The following FHIT variants were observed in gnomAD, a reference collection of about 807,000 sequenced individuals.
FHIT encodes the protein fragile histidine triad diadenosine triphosphatase.
Under a neutral mutation model 17.9 loss-of-function variants are expected in FHIT, and 19 were observed. The observed-to-expected ratio is 1.06, with a 90% CI of 0.74 to 1.56. The LOEUF (loss-of-function observed/expected upper bound fraction) is 1.56. Ranked by LOEUF, FHIT falls within the 40% of genes most tolerant of loss-of-function variation. The pLI is 0.00. For synonymous variants in FHIT, 81 were observed against 69.7 expected, an observed-to-expected ratio of 1.16 and a Z score of -0.81; for missense variants, 248 against 189.2, an observed-to-expected ratio of 1.31 and a Z score of -1.82.
intron 3 of FHIT, among the ~76,000 whole-genome samples, chr3:61,019,592 G>T (rs1487358302): frequency 6.6e-6 from 1 of 152,202 alleles, no homozygotes; most frequent in African/African-American, 2.4e-5. Flanking sequence ...GTAACTTGTA[G>T]ATTCTTTCAC....
At chr3:59,910,309 C>T (rs1289186702) in intron 8 of FHIT, among the ~76,000 whole-genome samples, 1 of 152,196 alleles carries the variant, frequency 6.6e-6, no homozygotes, top group East Asian at 1.9e-4. Flanking sequence ...TTCTGAGTTT[C>T]TGACTAGCCT....
At chr3:60,886,970 A>C (rs1553759410) in intron 3 of FHIT, among the ~76,000 whole-genome samples, 2 of 152,238 alleles carry the variant, frequency 1.3e-5, no homozygotes, top group Non-Finnish European at 2.9e-5. Flanking sequence ...AATTAGATCT[A>C]TAATCTCACA....
At chr3:60,627,903 G>C (rs1401252932) in intron 4 of FHIT, among the ~76,000 whole-genome samples, 3 of 151,996 alleles carry the variant, frequency 2.0e-5, no homozygotes, top group Admixed American at 2.0e-4. Context: ...AGTTTTCTCT[G>C]GTTTGTTCAT....
intron 3 of FHIT, among the ~76,000 whole-genome samples, chr3:60,862,041 A>G (rs1296500268): frequency 2.0e-5 from 3 of 152,150 alleles, no homozygotes; most frequent in Non-Finnish European, 4.4e-5. Flanking sequence ...AGGAATTTCA[A>G]TGTGTCTAAC....
At chr3:60,463,817 T>C (rs947287761) in intron 5 of FHIT, among the ~76,000 whole-genome samples, 1 of 152,220 alleles carries the variant, frequency 6.6e-6, no homozygotes, top group Non-Finnish European at 1.5e-5. Context: ...AATCACAATA[T>C]GTACCTTACC....
intron 4 of FHIT, among the ~76,000 whole-genome samples, chr3:60,590,288 G>T (rs1004008660): frequency 1.6e-4 from 24 of 152,024 alleles, no homozygotes; most frequent in African/African-American, 5.6e-4. Flanking sequence ...TCAGTGGTCT[G>T]CTTCATGGAT....
chr3:59,848,865 G>C (rs542833688), intron 8 of FHIT, among the ~76,000 whole-genome samples: 1 of 152,304 alleles, frequency 6.6e-6, no homozygotes, highest in African/African-American at 2.4e-5. Context: ...TCATTTCAGA[G>C]TCCCTGTCTC....
At chr3:60,655,477 T>G (rs1456476578) in intron 4 of FHIT, among the ~76,000 whole-genome samples, 2 of 152,162 alleles carry the variant, frequency 1.3e-5, no homozygotes, top group South Asian at 4.1e-4. Flanking sequence ...TGGATTTATT[T>G]ATAACGAGGA....
intron 2 of FHIT, among the ~76,000 whole-genome samples, chr3:61,113,459 G>C (rs2036216461): frequency 6.6e-6 from 1 of 152,126 alleles, no homozygotes; most frequent in African/African-American, 2.4e-5. Context: ...AAATAAAGTT[G>C]TGTCTATGGT....
chr3:59,762,137 A>T lies in FHIT; in HGVS notation c.349-9816T>A, dbSNP rs151122374. Among the ~76,000 whole-genome samples, 249 of 152,238 alleles carry T rather than the reference A, an allele frequency of 1.6e-3. 1 individual carries two copies. The highest frequency in any genetic ancestry group is 3.2e-3 in the Non-Finnish European group (218 of 68,020). On this transcript the variant is annotated intron_variant, in intron 8 of 9. Coordinates refer to ENST00000492590, the MANE Select transcript of FHIT (RefSeq NM_002012.4). ...GACTAACAGGCGGGTAGTGTAGACA[A>T]CATGGCTACACTGGACAAAGGGAGG... is the stretch of plus-strand genomic sequence containing the variant.
chr3:60,164,169 G>C (rs1433735498), intron 5 of FHIT, among the ~76,000 whole-genome samples: 1 of 152,184 alleles, frequency 6.6e-6, no homozygotes, highest in African/African-American at 2.4e-5. Context: ...AATGCCAGCA[G>C]AGTTCAGGTC....
intron 5 of FHIT, among the ~76,000 whole-genome samples, chr3:60,046,825 G>T (rs1161198129): frequency 3.3e-5 from 5 of 152,140 alleles, no homozygotes; most frequent in African/African-American, 1.2e-4. Flanking sequence ...GCCAGGCAGG[G>T]CATAAGTAGT....
At chr3:59,946,655 T>G (rs535115904) in intron 7 of FHIT, among the ~76,000 whole-genome samples, 6 of 152,218 alleles carry the variant, frequency 3.9e-5, no homozygotes, top group Non-Finnish European at 7.3e-5. Flanking sequence ...GGCTATGGAT[T>G]TGTCATTATT....
chr3:60,587,720 T>A, intron 4 of FHIT, among the ~76,000 whole-genome samples: 1 of 152,140 alleles, frequency 6.6e-6, no homozygotes, highest in African/African-American at 2.4e-5. Flanking sequence ...TTTATTAATA[T>A]AATTAACCAC....
chr3:60,572,543 C>G (rs962205678), intron 4 of FHIT, among the ~76,000 whole-genome samples: 3 of 152,098 alleles, frequency 2.0e-5, no homozygotes, highest in African/African-American at 7.2e-5. Context: ...CATGCATACA[C>G]ACACAGACAC....
intron 5 of FHIT, among the ~76,000 whole-genome samples, chr3:60,087,568 T>C (rs542130817): frequency 8.5e-4 from 130 of 152,294 alleles, no homozygotes; most frequent in African/African-American, 3.0e-3. Flanking sequence ...TGCCACTAAC[T>C]GAGGTCTTTG....
intron 4 of FHIT, among the ~76,000 whole-genome samples, chr3:60,604,642 C>A (rs1174331074): frequency 1.3e-5 from 2 of 152,146 alleles, no homozygotes; most frequent in Non-Finnish European, 2.9e-5. Flanking sequence ...CTATTCCACT[C>A]ATCAGCTCCC....
chr3:60,716,999 G>A (rs2041699733), intron 4 of FHIT, among the ~76,000 whole-genome samples: 2 of 152,122 alleles, frequency 1.3e-5, no homozygotes, highest in South Asian at 4.1e-4. Context: ...TCTGCAACAC[G>A]AATGAACCTG....
chr3:61,239,704 G>A (rs1365820776), intron 1 of FHIT, among the ~76,000 whole-genome samples: 4 of 142,584 alleles, frequency 2.8e-5, no homozygotes, highest in African/African-American at 1.1e-4. Context: ...TCTACGAAGT[G>A]GGTACTATTA....
Sources: allele counts gnomAD v4.1 joint callset (sites outside exome capture counted in the v4.1 genomes callset), GRCh38; gene constraint gnomAD v4.1.1; transcripts MANE v1.5; gene names NCBI Gene and HGNC (gene_info 2026-07-23, HGNC 2026-07-21).